MFSD1: variants seen among roughly 807,000 people sequenced by gnomAD.
MFSD1 encodes lysosomal dipeptide transporter MFSD1.
Under a neutral mutation model 67.1 loss-of-function variants are expected in MFSD1, and 59 were observed. The observed-to-expected ratio is 0.88, with a 90% CI of 0.71 to 1.09. MFSD1 has a LOEUF of 1.09. Among genes scored for constraint, MFSD1 ranks in the 50% least tolerant of loss-of-function variants. The pLI is 0.00. For synonymous variants in MFSD1, 213 were observed against 200.3 expected, an observed-to-expected ratio of 1.06 and a Z score of -0.54; for missense variants, 552 against 566.1, an observed-to-expected ratio of 0.97 and a Z score of 0.25.
chr3:158,817,952 A>C (rs529578179), intron 7 of MFSD1, among the ~76,000 whole-genome samples: 116 of 152,306 alleles, frequency 7.6e-4, no homozygotes, highest in African/African-American at 2.7e-3. Context: ...ATATAATTAC[A>C]GTTGTTTCAA....
At chr3:158,824,406 C>CA (rs2108234910) in intron 13 of MFSD1, 170 bp downstream of exon 13, 2 of 595,252 alleles carry the variant, frequency 3.4e-6, no homozygotes, top group East Asian at 5.6e-5. Flanking sequence ...TTAGGAGATT[C>CA]CTATCCTTAA....
At chr3:158,813,880 G>C (rs1339021518) in intron 6 of MFSD1, 85 bp from the exon 7 acceptor site, 1 of 810,754 alleles carries the variant, frequency 1.2e-6, no homozygotes, top group Middle Eastern at 3.6e-4. Context: ...TCCTACTTCT[G>C]AGCCACCTCA....
In MFSD1 at chr3:158,816,418, T is replaced by C. The variant is rs541967173; in HGVS notation, c.652+2351T>C. Among the ~76,000 whole-genome samples, 1,408 of 152,298 alleles carry C rather than the reference T, an allele frequency of 9.2e-3. 36 individuals are homozygous for C. The highest frequency in any genetic ancestry group is 0.032 in the African/African-American group (1,340 of 41,554). ...TCTGATGGCCAGTGATGATGAGCAT[T>C]TTTTCATGTGTCTTTTGGCTGCATA... On this transcript the variant is annotated intron_variant, in intron 7 of 15. Coordinates refer to ENST00000415822, the MANE Select transcript of MFSD1 (RefSeq NM_022736.4).
chr3:158,802,509 G>A, intron 1 of MFSD1, 194 bp downstream of exon 1: 1 of 753,300 alleles, frequency 1.3e-6, no homozygotes, highest in Non-Finnish European at 2.3e-6. Context: ...CTCCGCGTCC[G>A]GAACGTGGAG....
chr3:158,810,958 T>G (rs1270762484), intron 6 of MFSD1, among the ~76,000 whole-genome samples: 1 of 152,202 alleles, frequency 6.6e-6, no homozygotes, highest in Non-Finnish European at 1.5e-5. Flanking sequence ...GTCTAACAAC[T>G]TTTTAAAGAA....
At position 158,825,677 on chromosome 3, in the gene MFSD1, A is replaced by C. The variant is rs138144539; in HGVS notation, c.1289-338A>C. On this transcript the variant is annotated intron_variant, in intron 13 of 15. Transcript: ENST00000415822. ...AAATGATAAACAATCGGGGGCTGGC[A>C]GGAGTTTTTGGTAAGTCCTGCAAAG... Among the ~76,000 whole-genome samples the C allele has an allele frequency of 2.3e-3, 347 of 152,268 alleles. 2 individuals are homozygous for C. The highest frequency in any genetic ancestry group is 8.3e-3 in the African/African-American group (344 of 41,546).
intron 6 of MFSD1, among the ~76,000 whole-genome samples, chr3:158,812,643 G>T (rs904073389): frequency 1.3e-5 from 2 of 152,142 alleles, no homozygotes; most frequent in Non-Finnish European, 2.9e-5. Flanking sequence ...TCCCTAACTG[G>T]TGCCTTTGCT....
rs930260638 is a variant in MFSD1 at position 158,823,488 on chromosome 3, G to A, written c.1138G>A (p.Val380Ile). 2.5e-6 allele frequency: 4 copies of A among 1,613,666 alleles called. No homozygotes were observed. The highest frequency in any genetic ancestry group is 1.3e-5 in the African/African-American group (1 of 74,892). The change falls in exon 12 of 16, where the codon GTA (valine) becomes ATA (isoleucine). Residue 380 changes from valine to isoleucine, a missense_variant. By Grantham distance (29) the Val-to-Ile change is conservative (BLOSUM62 3). Coordinates refer to ENST00000415822, the MANE Select transcript of MFSD1 (RefSeq NM_022736.4). ...TGCATTGTGGCCAATGGTGGCATTT[G>A]TAGTTCCTGAACATCAGCTGGGAAC... ...ACALWPMVAF[V>I]VPEHQLGTAY...
At chr3:158,816,051 C>T (rs1375475415) in intron 7 of MFSD1, among the ~76,000 whole-genome samples, 1 of 152,070 alleles carries the variant, frequency 6.6e-6, no homozygotes, top group South Asian at 2.1e-4. Flanking sequence ...TCCAGTCTAT[C>T]ATTGTTGGAC....
At position 158,823,506 on chromosome 3, in the gene MFSD1, C is replaced by T. The variant is rs760868807; in HGVS notation, c.1156C>T (p.Leu386=). ...MVAFVVPEHQ[L]GTAYGFMQSI... ...GGCATTTGTAGTTCCTGAACATCAGCTGGGAACTGCATATGGCTTGTAAGT... is the reference window on the plus strand; with the variant it reads ...GGCATTTGTAGTTCCTGAACATCAGTTGGGAACTGCATATGGCTTGTAAGT... Residue 386 remains leucine (L), a synonymous_variant, in exon 12 of 16, where the codon CTG becomes TTG. Transcript: ENST00000415822. The T allele has an allele frequency of 1.2e-6, 2 of 1,611,460 alleles. No homozygotes were observed. The highest frequency in any genetic ancestry group is 1.7e-6 in the Non-Finnish European group (2 of 1,177,704).
At chr3:158,820,383 CA>C in intron 9 of MFSD1, 57 bp downstream of exon 9, 2 of 1,184,786 alleles carry the variant, frequency 1.7e-6, no homozygotes, top group Non-Finnish European at 2.5e-6. Flanking sequence ...AGAGTTCAAT[CA>C]CATAAATGTA....
rs2108234897 is a variant in MFSD1 at position 158,824,399 on chromosome 3, G to GCCCTCT, written c.1288+163_1288+164insCCCTCT. ...TCTGAAGATTCACAGGCATTTTTTA[G>GCCCTCT]GAGATTCCTATCCTTAAAGGCAGTG... On this transcript the variant is annotated intron_variant, in intron 13 of 15. Coordinates refer to ENST00000415822, the MANE Select transcript of MFSD1 (RefSeq NM_022736.4). The GCCCTCT allele has an allele frequency of 4.9e-6, 3 of 610,542 alleles. No homozygotes were observed. The East Asian group carries it at 8.2e-5, about 17-fold the overall frequency. The allele number at this position is 610,542 out of a possible 1,614,324, so 37.8% of individuals were successfully genotyped here.
chr3:158,807,451 GA>G lies in MFSD1; in HGVS notation c.429del (p.Arg143SerfsTer11), dbSNP rs1729786200. On this transcript the variant is annotated frameshift_variant, in exon 5 of 16. Coordinates refer to ENST00000415822, the MANE Select transcript of MFSD1 (RefSeq NM_022736.4). LOFTEE classifies it high-confidence loss of function. The stretch of plus-strand genomic sequence containing the variant: ...GCTTTTTGGCTGATGGAATTTGGAA[GA>G]TTTGTATTTGGGTAAGTTATGCATA... ...FNAFWLMEFGRFVFGIGGESL... is the reference protein window; with the variant it reads ...FNAFWLMEFGXFVFGIGGESL... 1 of 1,611,748 alleles carries G rather than the reference GA, an allele frequency of 6.2e-7. No homozygotes were observed. The highest frequency in any genetic ancestry group is 8.5e-7 in the Non-Finnish European group (1 of 1,178,218).
intron 7 of MFSD1, among the ~76,000 whole-genome samples, chr3:158,818,826 A>C (rs1292736954): frequency 1.3e-5 from 2 of 152,144 alleles, no homozygotes; most frequent in African/African-American, 4.8e-5. Context: ...GAAATTTTAG[A>C]GTAAGACTTT....
chr3:158,804,904 G>T (rs1357412708), intron 2 of MFSD1, among the ~76,000 whole-genome samples: 1 of 152,116 alleles, frequency 6.6e-6, no homozygotes, highest in Admixed American at 6.5e-5. Flanking sequence ...CAGGGAAAAT[G>T]CATAGGTTGA....
At position 158,804,299 on chromosome 3, in the gene MFSD1, A is replaced by T. The variant is rs767351324; in HGVS notation, c.164-20A>T. On this transcript the variant is annotated intron_variant, in intron 1 of 15. Coordinates refer to ENST00000415822, the MANE Select transcript of MFSD1 (RefSeq NM_022736.4). Reference sequence around the variant, plus strand: ...TATATGGGAAGTATTATTACTTATAAAGTATTTGCTCTTTTCTAGGCAGCT... The same window carrying T: ...TATATGGGAAGTATTATTACTTATATAGTATTTGCTCTTTTCTAGGCAGCT... 77 of 1,584,656 alleles carry T rather than the reference A, an allele frequency of 4.9e-5. 1 individual carries two copies. The South Asian group carries it at 8.5e-4, about 17-fold the overall frequency.
chr3:158,815,812 C>A (rs1450140192), intron 7 of MFSD1, among the ~76,000 whole-genome samples: 1 of 150,218 alleles, frequency 6.7e-6, no homozygotes, highest in East Asian at 2.0e-4. Context: ...CCTCCCCCCA[C>A]CCCACAACAG....
chr3:158,829,076 AAAT>A lies in MFSD1; in HGVS notation c.*98_*100del, dbSNP rs1267994962. 4.9e-6 allele frequency: 6 copies of A among 1,231,508 alleles called. No individual in the cohort carries two copies. The African/African-American group carries it at 6.1e-5, about 13-fold the overall frequency. 76.3% of individuals were successfully genotyped at this position (1,231,508 alleles called of 1,614,324 possible). A position where few individuals can be genotyped will look rare whatever the true frequency, so the allele number is the denominator to read the frequency against. Reference sequence around the variant, plus strand: ...AAATTTAGAGTTTAGTCATTAGAAAAAATAATGGACTGGAAAGTTATATTTATA... The same window carrying A: ...AAATTTAGAGTTTAGTCATTAGAAAAAATGGACTGGAAAGTTATATTTATA... On this transcript the variant is annotated 3_prime_UTR_variant, in exon 16 of 16. Transcript: ENST00000415822.
chr3:158,820,200 C>A lies in MFSD1; in HGVS notation c.752-15C>A, dbSNP rs776739664. On this transcript the variant is annotated splice_polypyrimidine_tract_variant and intron_variant, in intron 8 of 15. Coordinates refer to ENST00000415822, the MANE Select transcript of MFSD1 (RefSeq NM_022736.4). Reference sequence around the variant, plus strand: ...GCAAAATTATGCTGATAGTGTCTTCCCTTTCTTCTCTAAGGTGAAGTTATT... The same window carrying A: ...GCAAAATTATGCTGATAGTGTCTTCACTTTCTTCTCTAAGGTGAAGTTATT... The A allele has an allele frequency of 7.0e-7, 1 of 1,435,440 alleles. No homozygotes were observed. The allele number at this position is 1,435,440 out of a possible 1,614,324, so 88.9% of individuals were successfully genotyped here.
Sources: gnomAD v4.1 joint callset for allele counts (sites outside exome capture counted in the v4.1 genomes callset) on GRCh38, gnomAD v4.1.1 for gene constraint, MANE v1.5 for transcripts, NCBI Gene and HGNC (gene_info 2026-07-23, HGNC 2026-07-21) for gene names.